The following KLHL22 variants were observed in gnomAD, a reference collection of about 807,000 sequenced individuals.
KLHL22 encodes the protein kelch-like protein 22.
A neutral mutation model predicts 60.7 loss-of-function variants in KLHL22; 18 were observed. The ratio of observed to expected loss-of-function variants is 0.30; its 90% CI spans 0.20 to 0.44. KLHL22 has a LOEUF of 0.44. KLHL22 is among the 20% of genes least tolerant of loss of function. The pLI is 1.00. For missense variants in KLHL22, 596 were observed against 852.3 expected (o/e 0.70, Z 3.74); for synonymous variants, 355 against 354.5 (o/e 1.00, Z -0.01).
Position 20,457,871 on chromosome 22 carries a change from A to T in KLHL22, c.1242T>A (p.Asn414Lys). The change falls in exon 5 of 7, where the codon AAT becomes AAA. Residue 414 changes from asparagine (N) to lysine (K), a missense_variant. Coordinates refer to ENST00000328879, the MANE Select transcript of KLHL22 (RefSeq NM_032775.4). ...VAGRDYHNDL[N>K]AVERYDPATN... ...TGGCAGGGTCGTAGCGCTCCACAGC[A>T]TTCAGGTCATTGTGGTAGTCACGGC... 2 of 1,612,100 alleles carry T rather than the reference A, an allele frequency of 1.2e-6. No homozygotes were observed. The highest frequency in any genetic ancestry group is 1.7e-6 in the Non-Finnish European group (2 of 1,179,180).
chr22:20,485,992 C>A (rs188260725), intron 2 of KLHL22, among the ~76,000 whole-genome samples: 1 of 151,640 alleles, frequency 6.6e-6, no homozygotes, highest in Non-Finnish European at 1.5e-5. Flanking sequence ...CATGGTGAAA[C>A]CCTGTCTCTA....
At chr22:20,486,166 CA>C (rs200248872) in intron 2 of KLHL22, among the ~76,000 whole-genome samples, 3,559 of 82,610 alleles carry the variant, frequency 0.043, 119 homozygotes, top group African/African-American at 0.15. Context: ...GATTCCGTCT[CA>C]AAAAAAAAAA....
intron 2 of KLHL22, among the ~76,000 whole-genome samples, chr22:20,475,903 G>A (rs1372123841): frequency 6.6e-6 from 1 of 152,154 alleles, no homozygotes; most frequent in Non-Finnish European, 1.5e-5. Flanking sequence ...ACATAGGACA[G>A]GAATAGTCTC....
chr22:20,465,672 C>T lies in KLHL22; in HGVS notation c.394-96G>A, dbSNP rs2146220184. The T allele has an allele frequency of 1.3e-6, 1 of 748,804 alleles. No homozygotes were observed. Among genetic ancestry groups the T allele is most frequent in the East Asian group, 2.4e-5 (1 of 40,872 alleles). The allele number at this position is 748,804 out of a possible 1,614,324, so 46.4% of individuals were successfully genotyped here. On this transcript the variant is annotated intron_variant, in intron 3 of 6. Transcript: ENST00000328879. The surrounding 1 kb of genome is among the most constrained non-coding windows in gnomAD (Gnocchi z 4.9). Reference sequence around the variant, plus strand: ...GGCAGAAATACGGGCTGTTGTGGGCCAGGCAAAGCAGAAGGGAAGTCCTCC... The same window carrying T: ...GGCAGAAATACGGGCTGTTGTGGGCTAGGCAAAGCAGAAGGGAAGTCCTCC...
chr22:20,472,588 T>C (rs1259470784), intron 2 of KLHL22, among the ~76,000 whole-genome samples: 1 of 152,038 alleles, frequency 6.6e-6, no homozygotes, highest in East Asian at 1.9e-4. Context: ...TAGCTGGGTG[T>C]GGTGGCGGGC....
intron 4 of KLHL22, among the ~76,000 whole-genome samples, chr22:20,463,297 C>T (rs772034853): frequency 6.6e-6 from 1 of 152,204 alleles, no homozygotes; most frequent in Non-Finnish European, 1.5e-5. Context: ...CTAATATTAG[C>T]ATTACCCAGA....
intron 5 of KLHL22, among the ~76,000 whole-genome samples, chr22:20,455,531 G>GA (rs889159922): frequency 1.3e-5 from 2 of 152,174 alleles, no homozygotes; most frequent in Admixed American, 6.5e-5. Flanking sequence ...TCAGCCCCTA[G>GA]CATGGCCAGA....
intron 3 of KLHL22, 123 bp downstream of exon 3, chr22:20,471,227 G>T: frequency 1.1e-6 from 1 of 897,522 alleles, no homozygotes; most frequent in Non-Finnish European, 1.7e-6. Context: ...CTTCGTCACT[G>T]CTTGGTCTCC....
chr22:20,486,744 C>T (rs1312911653), intron 2 of KLHL22, among the ~76,000 whole-genome samples: 1 of 151,066 alleles, frequency 6.6e-6, no homozygotes, highest in Non-Finnish European at 1.5e-5. Context: ...TGCAGTGGCG[C>T]AATCTCGGCT....
At chr22:20,483,554 G>A in intron 2 of KLHL22, 1 of 724,738 alleles carries the variant, frequency 1.4e-6, no homozygotes, top group East Asian at 2.6e-5. Context: ...ACTTTGCGAA[G>A]CCCATGTATG....
rs775708166 is a variant in KLHL22 at position 20,489,034 on chromosome 22, G to T, written c.178C>A (p.His60Asn). 16 of 1,614,074 alleles carry T rather than the reference G, an allele frequency of 9.9e-6. No homozygotes were observed. The South Asian group carries it at 1.5e-4, about 16-fold the overall frequency. The change falls in exon 2 of 7, where the codon CAC (histidine) becomes AAC (asparagine). Residue 60 changes from histidine (H) to asparagine (N), a missense_variant. Transcript: ENST00000328879. Reference protein sequence around the residue: ...FDVVLVVEGRHIEAHRILLAA... With the variant: ...FDVVLVVEGRNIEAHRILLAA... ...AGCAGGATGCGATGGGCCTCGATGT[G>T]TCTGCCCTCCACCACCAGCACAACA...
rs758228076 is a variant in KLHL22, at chr22:20,465,057, C to G, written c.913G>C (p.Gly305Arg). 6.2e-7 allele frequency: 1 copy of G among 1,611,734 alleles called. No homozygotes were observed. Among genetic ancestry groups the G allele is most frequent in the Non-Finnish European group, 8.5e-7 (1 of 1,178,562 alleles). Residue 305 changes from glycine (G) to arginine (R), a missense_variant, in exon 4 of 7, where the codon GGC becomes CGC. Physicochemically the swap from Gly to Arg is moderately radical, Grantham distance 125. Transcript: ENST00000328879. This position sits in a 1 kb window ranked among gnomAD's most constrained non-coding sequence, Gnocchi z 4.9. ...ACAGTGGACGGCGTGGAGTGAATGC[C>G]CCCGAAGCCCACAACGCACTGGAAG... ...SDFQCVVGFG[G>R]IHSTPSTVLS...
In KLHL22 at chr22:20,489,010, G is replaced by T; in HGVS notation, c.202C>A (p.Leu68Met). Residue 68 changes from leucine (L) to methionine (M), a missense_variant, in exon 2 of 7, where the codon CTG becomes ATG. By Grantham distance (15) the Leu-to-Met change is conservative (BLOSUM62 2). Coordinates refer to ENST00000328879, the MANE Select transcript of KLHL22 (RefSeq NM_032775.4). ...CTGAAGTAATCGCAGGACGCAGCCA[G>T]CAGGATGCGATGGGCCTCGATGTGT... ...GRHIEAHRIL[L>M]AASCDYFRGM... 6.2e-7 allele frequency: 1 copy of T among 1,613,976 alleles called. No individual in the cohort carries two copies.
chr22:20,446,066 G>T (rs566151389), intron 6 of KLHL22, among the ~76,000 whole-genome samples: 1 of 152,294 alleles, frequency 6.6e-6, no homozygotes, highest in Non-Finnish European at 1.5e-5. Flanking sequence ...CGGCCTAAAA[G>T]TTTTTAAGAG....
intron 2 of KLHL22, among the ~76,000 whole-genome samples, chr22:20,484,783 C>T (rs969074122): frequency 1.3e-5 from 2 of 149,612 alleles, no homozygotes; most frequent in Non-Finnish European, 3.0e-5. Flanking sequence ...GTCATCCAAG[C>T]GAGAGTGCAG....
At position 20,471,398 on chromosome 22, in the gene KLHL22, G is replaced by T; in HGVS notation, c.345C>A (p.Leu115=). 1.2e-6 allele frequency: 2 copies of T among 1,614,056 alleles called. No homozygotes were observed. Among genetic ancestry groups the T allele is most frequent in the Non-Finnish European group, 1.7e-6 (2 of 1,179,932 alleles). The change falls in exon 3 of 7, where the codon CTC becomes CTA. Residue 115 remains leucine (L), a synonymous_variant. Coordinates refer to ENST00000328879, the MANE Select transcript of KLHL22 (RefSeq NM_032775.4). ...GTGTCTCTTGTACATTGCTCAGGCTGAGCTCCAGCTCGGAGGTGTATATGA... is the reference window on the plus strand; with the variant it reads ...GTGTCTCTTGTACATTGCTCAGGCTTAGCTCCAGCTCGGAGGTGTATATGA... The part of the protein sequence containing the change: ...LHFIYTSELE[L]SLSNVQETLV...
intron 3 of KLHL22, among the ~76,000 whole-genome samples, chr22:20,468,910 C>T (rs2053273003): frequency 6.6e-6 from 1 of 152,150 alleles, no homozygotes; most frequent in Non-Finnish European, 1.5e-5. Context: ...CTCACCTTGG[C>T]CTCCAAAAGT....
chr22:20,450,953 C>T, intron 5 of KLHL22: 8 of 1,607,856 alleles, frequency 5.0e-6, no homozygotes, highest in Middle Eastern at 1.8e-4. Flanking sequence ...CGCCTAGGAG[C>T]CAATGAAGTG....
intron 1 of KLHL22, among the ~76,000 whole-genome samples, chr22:20,490,279 CTT>C (rs373820145): frequency 3.2e-4 from 48 of 152,334 alleles, no homozygotes; most frequent in African/African-American, 1.2e-3. Context: ...CATTCTGAGA[CTT>C]ATATCGCTGG....
Sources: gnomAD v4.1 joint callset for allele counts (sites outside exome capture counted in the v4.1 genomes callset) on GRCh38, gnomAD v4.1.1 for gene constraint, Gnocchi (gnomAD v3.1) non-coding constraint, MANE v1.5 for transcripts, NCBI Gene and HGNC (gene_info 2026-07-23, HGNC 2026-07-21) for gene names.